Variants in GRIN2B observed in about 807,000 individuals in gnomAD.
GRIN2B encodes glutamate receptor ionotropic, NMDA 2B.
In GRIN2B, 5 loss-of-function variants were observed where a neutral mutation model predicts 114.5. The ratio of observed to expected loss-of-function variants is 0.04; its 90% confidence interval spans 0.02 to 0.09. GRIN2B has a LOEUF of 0.09. Ranked by LOEUF, GRIN2B falls within the 10% of genes least tolerant of loss-of-function variation. The probability of loss-of-function intolerance (pLI) is 1.00; values close to 1 mark genes in which losing one functional copy is unlikely to be tolerated. For synonymous variants in GRIN2B, 787 were observed against 745.1 expected (o/e 1.06, Z -0.92); for missense variants, 1,108 against 1,943.5 (o/e 0.57, Z 8.08).
intron 10 of GRIN2B, among the ~76,000 whole-genome samples, chr12:13,607,383 T>TATATATTATATATTATATATAA (rs1565473796): frequency 0.02 from 1,079 of 54,666 alleles, 49 homozygotes; most frequent in Non-Finnish European, 0.026. Context: ...ATTATATATA[T>TATATATTATATATTATATATAA]AATATATATT....
intron 5 of GRIN2B, among the ~76,000 whole-genome samples, chr12:13,621,340 C>G (rs961510141): frequency 6.6e-6 from 1 of 152,062 alleles, no homozygotes; most frequent in African/African-American, 2.4e-5. Context: ...GGAGATATTT[C>G]AGAGACAATG....
At chr12:13,731,909 T>C (rs1004510830) in intron 4 of GRIN2B, among the ~76,000 whole-genome samples, 3 of 152,208 alleles carry the variant, frequency 2.0e-5, no homozygotes, top group Non-Finnish European at 2.9e-5. Context: ...TTTTTTATGA[T>C]TACCTTCCAG....
intron 3 of GRIN2B, among the ~76,000 whole-genome samples, chr12:13,834,986 C>T (rs984631100): frequency 1.5e-4 from 23 of 152,180 alleles, no homozygotes; most frequent in African/African-American, 5.6e-4. Flanking sequence ...TAAGTGTGGG[C>T]CAAGGAGCCT....
At chr12:13,611,704 A>T (rs1292054955) in intron 9 of GRIN2B, 21 bp downstream of exon 9, 2 of 1,612,600 alleles carry the variant, frequency 1.2e-6, no homozygotes, top group South Asian at 2.2e-5. Context: ...GGGGAAGTGC[A>T]GCGGTTCCAG....
rs201467236 is a variant in GRIN2B, at chr12:13,562,730, G to A, written c.*53C>T. 3.6e-5 allele frequency: 52 copies of A among 1,430,932 alleles called. 1 individual carries two copies. Among genetic ancestry groups the A allele is most frequent in the South Asian group, 6.9e-5 (6 of 87,284 alleles). 88.6% of individuals were successfully genotyped at this position (1,430,932 alleles called of 1,614,324 possible). A position where few individuals can be genotyped will look rare whatever the true frequency, so the allele number is the denominator to read the frequency against. On this transcript the variant is annotated 3_prime_UTR_variant, in exon 14 of 14. Transcript: ENST00000609686. ...TCACCCTCCGTGACATGCGCATCAC[G>A]CGACCCACAGCCTTACCCTCCCGTA...
chr12:13,769,752 C>A (rs181531617), intron 3 of GRIN2B, among the ~76,000 whole-genome samples: 31 of 152,304 alleles, frequency 2.0e-4, no homozygotes, highest in African/African-American at 7.0e-4. Flanking sequence ...AACGTGCCCC[C>A]CAAATAATAA....
chr12:13,852,470 TAACAAAACAA>T (rs1017086826), intron 3 of GRIN2B, among the ~76,000 whole-genome samples: 1 of 152,000 alleles, frequency 6.6e-6, no homozygotes, highest in Non-Finnish European at 1.5e-5. Flanking sequence ...TTTGTAAAAA[TAACAAAACAA>T]AACAAAACCT....
At chr12:13,646,298 T>C (rs1475797886) in intron 5 of GRIN2B, among the ~76,000 whole-genome samples, 1 of 152,156 alleles carries the variant, frequency 6.6e-6, no homozygotes, top group Non-Finnish European at 1.5e-5. Flanking sequence ...TCTACTGTCT[T>C]TGACTCCTCT....
chr12:13,845,436 G>T (rs1865454170), intron 3 of GRIN2B, among the ~76,000 whole-genome samples: 1 of 152,088 alleles, frequency 6.6e-6, no homozygotes, highest in Non-Finnish European at 1.5e-5. Context: ...CTCTAATCAG[G>T]AGAGAGAAGA....
chr12:13,948,271 A>G (rs1867402274), intron 2 of GRIN2B, among the ~76,000 whole-genome samples: 1 of 152,158 alleles, frequency 6.6e-6, no homozygotes, highest in Non-Finnish European at 1.5e-5. Flanking sequence ...CTTTCTTTTC[A>G]TAAGGATCAA....
chr12:13,948,858 T>C (rs1233649077), intron 2 of GRIN2B, among the ~76,000 whole-genome samples: 1 of 152,078 alleles, frequency 6.6e-6, no homozygotes, highest in Non-Finnish European at 1.5e-5. Flanking sequence ...GTCACTGGCA[T>C]TGTGGTCCCT....
At chr12:13,887,329 C>G (rs945879836) in intron 2 of GRIN2B, among the ~76,000 whole-genome samples, 1 of 152,060 alleles carries the variant, frequency 6.6e-6, no homozygotes, top group South Asian at 2.1e-4. Flanking sequence ...AATGTACATG[C>G]AGCTCAGTGA....
In GRIN2B at chr12:13,563,592, G is replaced by A. The variant is rs199834850; in HGVS notation, c.3646C>T (p.Arg1216Cys). Residue 1216 changes from arginine (R) to cysteine (C), a missense_variant, in exon 14 of 14, where the codon CGC (arginine) becomes TGC (cysteine). Physicochemically the swap from Arg to Cys is radical, Grantham distance 180. Around this residue, in one of 19 missense-constraint regions of GRIN2B, gnomAD observed 478 missense variants for 506.0 expected, o/e 0.94. Coordinates refer to ENST00000609686, the MANE Select transcript of GRIN2B (RefSeq NM_000834.5). ...TTGTGCAGCTTGGAGGGACAGCTGC[G>A]GCAGAAGTTGCCCCCGGACCGGTCC... is the stretch of plus-strand genomic sequence containing the variant. ...WEDRSGGNFC[R>C]SCPSKLHNYS... is the part of the protein sequence containing the mutation. 6.8e-6 allele frequency: 11 copies of A among 1,614,044 alleles called. No homozygotes were observed. Among genetic ancestry groups the A allele is most frequent in the Non-Finnish European group, 8.5e-6 (10 of 1,179,994 alleles).
At chr12:13,720,880 C>T (rs1198417471) in intron 4 of GRIN2B, among the ~76,000 whole-genome samples, 1 of 152,072 alleles carries the variant, frequency 6.6e-6, no homozygotes, top group Non-Finnish European at 1.5e-5. Context: ...ACTTTAGAAA[C>T]TTATATGAAC....
intron 3 of GRIN2B, among the ~76,000 whole-genome samples, chr12:13,771,792 G>A (rs778048247): frequency 6.6e-6 from 1 of 152,186 alleles, no homozygotes; most frequent in Non-Finnish European, 1.5e-5. Context: ...AACTGGTTAC[G>A]TTGTTAAATT....
At chr12:13,893,042 T>C (rs1198353361) in intron 2 of GRIN2B, among the ~76,000 whole-genome samples, 1 of 152,156 alleles carries the variant, frequency 6.6e-6, no homozygotes, top group Non-Finnish European at 1.5e-5. Flanking sequence ...TGAGAATCAT[T>C]TAGTTAGCTC....
chr12:13,657,925 G>T (rs531367080), intron 5 of GRIN2B, among the ~76,000 whole-genome samples: 238 of 152,080 alleles, frequency 1.6e-3, no homozygotes, highest in Non-Finnish European at 2.8e-3. Flanking sequence ...ACATTTATAG[G>T]CTGGGCACAG....
At chr12:13,835,771 T>TAAAAAAAAAAAAAAAAAAAAAAAAA (rs1165005583) in intron 3 of GRIN2B, among the ~76,000 whole-genome samples, 1 of 91,492 alleles carries the variant, frequency 1.1e-5, no homozygotes. Context: ...CATAGCACAT[T>TAAAAAAAAAAAAAAAAAAAAAAAAA]AAAAAAAAAA....
intron 2 of GRIN2B, among the ~76,000 whole-genome samples, chr12:13,947,978 C>T (rs1591636334): frequency 6.6e-6 from 1 of 152,286 alleles, no homozygotes; most frequent in South Asian, 2.1e-4. Context: ...CTCAGGACCT[C>T]TCCATAAGAA....
Sources: gnomAD v4.1 joint callset for allele counts (sites outside exome capture counted in the v4.1 genomes callset) on GRCh38, gnomAD v4.1.1 for gene constraint, gnomAD v4.1.1 regional missense constraint, MANE v1.5 for transcripts, NCBI Gene and HGNC (gene_info 2026-07-23, HGNC 2026-07-21) for gene names.